ELF1: variants seen among roughly 807,000 people sequenced by gnomAD.
ELF1 encodes E74 like ETS transcription factor 1.
ELF1 carries 24 observed loss-of-function variants against 59.9 expected under a neutral mutation model. The observed-to-expected ratio is 0.40, with a 90% CI of 0.29 to 0.56. ELF1 has a LOEUF of 0.56. Among genes scored for constraint, ELF1 ranks in the 20% least tolerant of loss-of-function variants. ELF1 has a pLI of 0.44. For synonymous variants in ELF1, 248 were observed against 266.2 expected, an observed-to-expected ratio of 0.93 and a Z score of 0.67; for missense variants, 627 against 742.2, an observed-to-expected ratio of 0.84 and a Z score of 1.80.
intron 1 of ELF1, among the ~76,000 whole-genome samples, chr13:41,056,042 AT>A (rs1369966974): frequency 6.6e-6 from 1 of 152,218 alleles, no homozygotes; most frequent in African/African-American, 2.4e-5. Context: ...AAGTTTATCT[AT>A]TTAAAGTGTA....
At chr13:40,952,420 G>A (rs1051911125) in intron 3 of ELF1, among the ~76,000 whole-genome samples, 1 of 150,752 alleles carries the variant, frequency 6.6e-6, no homozygotes. Context: ...AGAGTGCAGT[G>A]GCTCAATTAT....
At chr13:40,972,285 C>CA (rs1382114776) in intron 2 of ELF1, among the ~76,000 whole-genome samples, 1 of 152,106 alleles carries the variant, frequency 6.6e-6, no homozygotes, top group African/African-American at 2.4e-5. Flanking sequence ...AGTGGTACTC[C>CA]AAAAAAACTG....
chr13:41,055,440 A>G (rs911967218), intron 1 of ELF1, among the ~76,000 whole-genome samples: 10 of 151,328 alleles, frequency 6.6e-5, no homozygotes, highest in African/African-American at 2.4e-4. Context: ...CTTATCTCGA[A>G]TGCTGCCTCC....
intron 5 of ELF1, 136 bp from the exon 6 acceptor site, chr13:40,944,061 A>C (rs1870355559): frequency 1.4e-6 from 1 of 709,634 alleles, no homozygotes. Flanking sequence ...CAGGTCTCTT[A>C]AAATGCTGTT....
chr13:41,010,253 AT>A (rs1446167131), intron 1 of ELF1, among the ~76,000 whole-genome samples: 2 of 149,688 alleles, frequency 1.3e-5, no homozygotes, highest in African/African-American at 5.0e-5. Context: ...CAATAAAAAA[AT>A]AAAATAAAAA....
At chr13:40,953,360 A>G (rs1330520499) in intron 3 of ELF1, among the ~76,000 whole-genome samples, 1 of 152,216 alleles carries the variant, frequency 6.6e-6, no homozygotes, top group African/African-American at 2.4e-5. Flanking sequence ...CCAGTACCTC[A>G]GAATGTCTTT....
At chr13:40,955,681 G>A (rs1871307330) in intron 3 of ELF1, among the ~76,000 whole-genome samples, 1 of 125,602 alleles carries the variant, frequency 8.0e-6, no homozygotes, top group Non-Finnish European at 1.7e-5. Context: ...AGGTGGGGGA[G>A]TCAGCCCCCG....
At chr13:40,943,619 A>G (rs895081295) in intron 6 of ELF1, among the ~76,000 whole-genome samples, 8 of 152,218 alleles carry the variant, frequency 5.3e-5, no homozygotes, top group Non-Finnish European at 1.2e-4. Flanking sequence ...TATTAAATGA[A>G]AAGAATAGAT....
intron 3 of ELF1, among the ~76,000 whole-genome samples, chr13:40,958,565 A>C (rs1052272434): frequency 1.3e-5 from 2 of 152,046 alleles, no homozygotes; most frequent in African/African-American, 4.8e-5. Context: ...AGACTTGATG[A>C]ATTGAGGTTT....
chr13:40,933,433 A>T lies in ELF1; in HGVS notation c.1852T>A (p.Ser618Thr). The T allele has an allele frequency of 6.2e-7, 1 of 1,610,016 alleles. No individual in the cohort carries two copies. The highest frequency in any genetic ancestry group is 8.5e-7 in the Non-Finnish European group (1 of 1,178,054). ...MKQNELLEPNSF is the reference protein window; with the variant it reads ...MKQNELLEPNTF The stretch of plus-strand genomic sequence containing the variant: ...AAGCTTTGGTATATTAACTAAAAAG[A>T]GTTGGGTTCCAGCAGTTCGTTTTGT... Residue 618 changes from serine to threonine, a missense_variant, in exon 9 of 9, where the codon TCT becomes ACT. Ser to Thr is a moderately conservative substitution (Grantham distance 58). Transcript: ENST00000239882.
chr13:40,969,463 A>T (rs1372068477), intron 2 of ELF1, among the ~76,000 whole-genome samples: 1 of 152,204 alleles, frequency 6.6e-6, no homozygotes, highest in African/African-American at 2.4e-5. Flanking sequence ...AATGGGGATA[A>T]CAAGAGTTGT....
intron 1 of ELF1, among the ~76,000 whole-genome samples, chr13:41,046,500 C>T (rs1367356008): frequency 6.6e-6 from 1 of 152,182 alleles, no homozygotes; most frequent in Admixed American, 6.5e-5. Flanking sequence ...AATCTCTCAG[C>T]ATTTGCTTGT....
rs374604563 is a variant in ELF1, at chr13:40,985,320, T to A, written c.-228-3038A>T. Among the ~76,000 whole-genome samples, 46 of 152,296 alleles carry A rather than the reference T, an allele frequency of 3.0e-4. 2 individuals carry two copies. In the East Asian group the frequency reaches 6.4e-3, roughly 21 times the overall value. On this transcript the variant is annotated intron_variant, in intron 1 of 8. Transcript: ENST00000239882. ...AATCTTTGATTACAAAGCCCAGGTA[T>A]CTTACAATTTTTTCAGTAACAGACA...
chr13:41,047,654 G>A (rs552703349), intron 1 of ELF1, among the ~76,000 whole-genome samples: 2 of 152,292 alleles, frequency 1.3e-5, no homozygotes, highest in East Asian at 1.9e-4. Flanking sequence ...CATCTCAGAG[G>A]GGTACCTGGC....
chr13:40,945,138 T>C (rs1466077314), intron 5 of ELF1, among the ~76,000 whole-genome samples: 1 of 152,186 alleles, frequency 6.6e-6, no homozygotes, highest in Non-Finnish European at 1.5e-5. Context: ...AACACTTCAG[T>C]AACCTCCACC....
At chr13:41,056,222 A>G (rs1877283029) in intron 1 of ELF1, among the ~76,000 whole-genome samples, 1 of 152,120 alleles carries the variant, frequency 6.6e-6, no homozygotes, top group Non-Finnish European at 1.5e-5. Flanking sequence ...CTTTCTCTAT[A>G]GATTTGCCTA....
chr13:40,951,214 T>C, intron 4 of ELF1, 115 bp downstream of exon 4: 1 of 817,802 alleles, frequency 1.2e-6, no homozygotes, highest in East Asian at 2.9e-5. Flanking sequence ...CCTTAAAATG[T>C]GATTGTAACA....
chr13:41,059,041 A>C (rs2138444859), intron 1 of ELF1, among the ~76,000 whole-genome samples: 1 of 152,370 alleles, frequency 6.6e-6, no homozygotes, highest in East Asian at 1.9e-4. Context: ...GAGTTATCCG[A>C]GTTATCTTTC....
intron 2 of ELF1, among the ~76,000 whole-genome samples, chr13:40,973,365 T>C (rs1872698541): frequency 6.6e-6 from 1 of 152,216 alleles, no homozygotes; most frequent in Admixed American, 6.5e-5. Flanking sequence ...ATTGCTCTAA[T>C]ATTGAGAATT....
Sources: allele counts gnomAD v4.1 joint callset (sites outside exome capture counted in the v4.1 genomes callset), GRCh38; gene constraint gnomAD v4.1.1; transcripts MANE v1.5; gene names NCBI Gene and HGNC (gene_info 2026-07-23, HGNC 2026-07-21).